PLAT: variants seen among roughly 807,000 people sequenced by gnomAD.
PLAT encodes plasminogen activator, tissue type.
Under a neutral mutation model 74.9 loss-of-function variants are expected in PLAT, and 48 were observed. The ratio of observed to expected loss-of-function variants is 0.64; its 90% CI spans 0.51 to 0.82. The LOEUF is 0.82. PLAT is among the 40% of genes least tolerant of loss of function. The pLI, the probability that PLAT is intolerant of heterozygous loss-of-function variation, is 0.00. For synonymous variants in PLAT, 307 were observed against 294.4 expected (o/e 1.04, Z -0.44); for missense variants, 673 against 736.2 (o/e 0.91, Z 0.99).
chr8:42,188,287 A>G, intron 4 of PLAT: 1 of 380,616 alleles, frequency 2.6e-6, no homozygotes, highest in Non-Finnish European at 4.7e-6. Context: ...GTGAGTTAAA[A>G]TATTAAGAAT....
At chr8:42,199,165 G>A (rs952372248) in intron 1 of PLAT, among the ~76,000 whole-genome samples, 3 of 152,192 alleles carry the variant, frequency 2.0e-5, no homozygotes, top group African/African-American at 7.2e-5. Context: ...CATCACATAA[G>A]TAATTCTTAA....
chr8:42,207,249 T>G (rs560496665), intron 1 of PLAT, among the ~76,000 whole-genome samples: 1 of 152,294 alleles, frequency 6.6e-6, no homozygotes, highest in East Asian at 1.9e-4. Context: ...CTCCAATGAA[T>G]GCAACCTCCC....
Position 42,187,472 on chromosome 8 carries a change from C to T in PLAT, c.465G>A (p.Ala155=), listed in dbSNP as rs770133336. The change falls in exon 6 of 14, where the codon GCG becomes GCA. Residue 155 remains alanine (A), a synonymous_variant. Coordinates refer to ENST00000220809, the MANE Select transcript of PLAT (RefSeq NM_000930.5). Reference sequence around the variant, plus strand: ...GCCCGCTGTAGGGCTTCTGGGCCAACGCGCTGCTGTTCCAGTTGGTGCACT... The same window carrying T: ...GCCCGCTGTAGGGCTTCTGGGCCAATGCGCTGCTGTTCCAGTTGGTGCACT... ...GAECTNWNSS[A]LAQKPYSGRR... The T allele has an allele frequency of 5.4e-5, 87 of 1,608,708 alleles. No homozygotes were observed. The highest frequency in any genetic ancestry group is 3.6e-4 in the East Asian group (16 of 44,900).
At chr8:42,193,260 G>A in intron 1 of PLAT, 49 bp from the exon 2 acceptor site, 2 of 1,199,188 alleles carry the variant, frequency 1.7e-6, no homozygotes, top group Non-Finnish European at 2.5e-6. Flanking sequence ...AGAGGTCCAT[G>A]ATGGCAACAG....
intron 1 of PLAT, among the ~76,000 whole-genome samples, chr8:42,204,028 CATACAA>C (rs758110087): frequency 6.8e-6 from 1 of 147,188 alleles, no homozygotes; most frequent in Non-Finnish European, 1.5e-5. Flanking sequence ...CACACACACA[CATACAA>C]ACACATATTG....
At chr8:42,193,245 G>T (rs1321771873) in intron 1 of PLAT, 34 bp from the exon 2 acceptor site, 5 of 1,368,374 alleles carry the variant, frequency 3.7e-6, no homozygotes, top group African/African-American at 1.4e-5. Context: ...TGATCACGGG[G>T]TGCGAGAGGT....
In PLAT at chr8:42,175,122, C is replaced by T. The variant is rs974392993; in HGVS notation, c.*871G>A. On this transcript the variant is annotated 3_prime_UTR_variant, in exon 14 of 14. Coordinates refer to ENST00000220809, the MANE Select transcript of PLAT (RefSeq NM_000930.5). ...ACCTAGCCCATTGCCTTGTATGTTA[C>T]AGGTGTTGTGTATATGTTAAGCGAG... 3.3e-5 allele frequency: 5 copies of T among 152,136 alleles called. No homozygotes were observed. Among genetic ancestry groups the T allele is most frequent in the African/African-American group, 9.7e-5 (4 of 41,424 alleles). 9.4% of individuals were successfully genotyped at this position (152,136 alleles called of 1,614,324 possible).
At chr8:42,193,578 G>A (rs887726492) in intron 1 of PLAT, 2 of 209,096 alleles carry the variant, frequency 9.6e-6, no homozygotes, top group South Asian at 8.8e-5. Flanking sequence ...CAGCAGCCAC[G>A]CTGCTACTTT....
intron 1 of PLAT, 138 bp from the exon 2 acceptor site, chr8:42,193,349 A>G: frequency 3.3e-6 from 2 of 614,416 alleles, no homozygotes; most frequent in South Asian, 1.9e-5. Context: ...ACATGCATCT[A>G]GAAGAGGATT....
intron 6 of PLAT, chr8:42,187,144 T>A (rs907903792): frequency 2.5e-6 from 1 of 393,290 alleles, no homozygotes; most frequent in Non-Finnish European, 4.6e-6. Context: ...TGTCTATCTG[T>A]CATCCATCTA....
intron 1 of PLAT, among the ~76,000 whole-genome samples, chr8:42,197,900 G>T (rs1805968434): frequency 6.6e-6 from 1 of 152,228 alleles, no homozygotes; most frequent in African/African-American, 2.4e-5. Flanking sequence ...AAGTGGGCTG[G>T]ATGCTCCAAG....
At chr8:42,207,197 T>A (rs1469009336) in intron 1 of PLAT, among the ~76,000 whole-genome samples, 3 of 152,202 alleles carry the variant, frequency 2.0e-5, no homozygotes, top group Admixed American at 1.3e-4. Flanking sequence ...CTTTTCTGTA[T>A]CGTTCTTTTC....
intron 1 of PLAT, chr8:42,195,539 C>G (rs1170605939): frequency 2.6e-5 from 4 of 152,238 alleles, no homozygotes; most frequent in East Asian, 1.9e-4. Context: ...CGGGAGGAAG[C>G]AGCTGTGCTA....
intron 6 of PLAT, 57 bp downstream of exon 6, chr8:42,187,341 T>G: frequency 1.4e-6 from 2 of 1,449,500 alleles, no homozygotes; most frequent in Non-Finnish European, 1.9e-6. Context: ...ACAGAATCTT[T>G]CCCCAGCTGT....
chr8:42,192,242 G>A (rs774317699), intron 2 of PLAT, among the ~76,000 whole-genome samples: 4 of 152,008 alleles, frequency 2.6e-5, no homozygotes, highest in Non-Finnish European at 5.9e-5. Context: ...GGGCTCAAGC[G>A]ATCCTCCCAC....
At chr8:42,199,943 C>T (rs1429514942) in intron 1 of PLAT, among the ~76,000 whole-genome samples, 3 of 152,226 alleles carry the variant, frequency 2.0e-5, no homozygotes, top group South Asian at 2.1e-4. Flanking sequence ...TAATTAAATA[C>T]GCAATGATTT....
At chr8:42,203,926 C>T (rs773164326) in intron 1 of PLAT, among the ~76,000 whole-genome samples, 1 of 149,278 alleles carries the variant, frequency 6.7e-6, no homozygotes, top group Non-Finnish European at 1.5e-5. Flanking sequence ...GATCACACTG[C>T]TGCACTCCAG....
intron 13 of PLAT, 87 bp from the exon 14 acceptor site, chr8:42,176,238 T>C: frequency 3.3e-6 from 3 of 916,448 alleles, no homozygotes; most frequent in Non-Finnish European, 5.0e-6. Context: ...CATCGTAATC[T>C]TCAAAATACA....
At position 42,206,891 on chromosome 8, in the gene PLAT, GA is replaced by G. The variant is rs1241423262; in HGVS notation, c.-27+602del. ...AGCCAGAGGGCCAAACTGACCTGTG[GA>G]GACTTGTAGGGGTGGCACCTAGGGA... On this transcript the variant is annotated intron_variant, in intron 1 of 13. Coordinates refer to ENST00000220809, the MANE Select transcript of PLAT (RefSeq NM_000930.5). Among the ~76,000 whole-genome samples, 5 of 152,334 alleles carry G rather than the reference GA, an allele frequency of 3.3e-5. No individual in the cohort carries two copies. In the South Asian group the frequency reaches 1.0e-3, roughly 32 times the overall value.
Sources: allele counts gnomAD v4.1 joint callset (sites outside exome capture counted in the v4.1 genomes callset), GRCh38; gene constraint gnomAD v4.1.1; transcripts MANE v1.5; gene names NCBI Gene and HGNC (gene_info 2026-07-23, HGNC 2026-07-21).